SH2B1: variants seen among roughly 807,000 people sequenced by gnomAD.
The protein encoded by SH2B1 is SH2B adaptor protein 1, also known as SH2B adapter protein 1.
Under a neutral mutation model 62.6 loss-of-function variants are expected in SH2B1, and 15 were observed. The observed-to-expected ratio is 0.24, with a 90% CI of 0.16 to 0.37. SH2B1 has a LOEUF of 0.37. SH2B1 is among the 10% of genes least tolerant of loss of function. The probability of loss-of-function intolerance (pLI) is 1.00; values close to 1 mark genes in which losing one functional copy is unlikely to be tolerated. For missense variants in SH2B1, 925 were observed against 1,015.6 expected, an observed-to-expected ratio of 0.91 and a Z score of 1.21; for synonymous variants, 443 against 438.0, an observed-to-expected ratio of 1.01 and a Z score of -0.14.
In SH2B1 at chr16:28,869,216, C is replaced by G; in HGVS notation, c.1142C>G (p.Pro381Arg). 6.2e-7 allele frequency: 1 copy of G among 1,614,122 alleles called. No homozygotes were observed. Among genetic ancestry groups the G allele is most frequent in the Non-Finnish European group, 8.5e-7 (1 of 1,179,994 alleles). ...IQECLSPGPC[P>R]ATSPRPMTLP... ...CTTCCCTGTCTCTGCAGACCCTGCCCTGCTACCAGTCCCCGCCCCATGACC... is the reference window on the plus strand; with the variant it reads ...CTTCCCTGTCTCTGCAGACCCTGCCGTGCTACCAGTCCCCGCCCCATGACC... Residue 381 changes from proline (P) to arginine (R), a missense_variant, in exon 4 of 8, where the codon CCT becomes CGT. By Grantham distance (103) the Pro-to-Arg change is moderately radical (BLOSUM62 -2). This residue lies in a region of SH2B1 where 683 missense variants were observed against 704.0 expected (regional missense o/e 0.97). Coordinates refer to ENST00000684370, the MANE Select transcript of SH2B1 (RefSeq NM_001387430.1).
chr16:28,863,684 C>A, upstream of SH2B1: 2 of 1,535,482 alleles, frequency 1.3e-6, no homozygotes, highest in Non-Finnish European at 1.7e-6. Context: ...CTGGAGAAGG[C>A]ACTGAAGCCC....
At chr16:28,852,780 AT>A (rs1474013292) in intron 1 of SH2B1, among the ~76,000 whole-genome samples, 1 of 73,948 alleles carries the variant, frequency 1.4e-5, no homozygotes, top group Non-Finnish European at 2.4e-5. Context: ...TTATATATAT[AT>A]TTACATATAT....
rs1265180569 is a variant in SH2B1, at chr16:28,865,943, G to A, written c.-152G>A. ...AGTAGGGTCGGACGTCTCTGGCTGG[G>A]GGTGGGATGCAGCCTCCGGTGCGCC... On this transcript the variant is annotated 5_prime_UTR_variant, in exon 1 of 8. Transcript: ENST00000684370. 4 of 1,423,218 alleles carry A rather than the reference G, an allele frequency of 2.8e-6. No homozygotes were observed. Among genetic ancestry groups the A allele is most frequent in the Admixed American group, 6.0e-5 (2 of 33,126 alleles). The allele number at this position is 1,423,218 out of a possible 1,614,324, so 88.2% of individuals were successfully genotyped here.
intron 1 of SH2B1, among the ~76,000 whole-genome samples, chr16:28,855,216 ATTGT>A (rs1224773476): frequency 4.0e-5 from 6 of 148,590 alleles, no homozygotes; most frequent in Non-Finnish European, 7.4e-5. Context: ...ACATTCCATG[ATTGT>A]TTCTTTTTTT....
Position 28,872,000 on chromosome 16 carries a change from T to G in SH2B1, c.1513+17T>G, listed in dbSNP as rs759886609. 1.3e-6 allele frequency: 2 copies of G among 1,521,952 alleles called. No homozygotes were observed. The highest frequency in any genetic ancestry group is 1.8e-6 in the Non-Finnish European group (2 of 1,097,420). The allele number at this position is 1,521,952 out of a possible 1,614,324, so 94.3% of individuals were successfully genotyped here. A position where few individuals can be genotyped will look rare whatever the true frequency, so the allele number is the denominator to read the frequency against. ...CAGCCACAGGTACCGGAGGTGTGAG[T>G]GTGCATGTCTCCAGGCCTGGGTGCC... On this transcript the variant is annotated intron_variant, in intron 5 of 7. Transcript: ENST00000684370.
At chr16:28,848,916 C>G (rs12325014) in intron 1 of SH2B1, among the ~76,000 whole-genome samples, 51,822 of 151,740 alleles carry the variant, frequency 0.34, 9,500 homozygotes, top group Admixed American at 0.41. Flanking sequence ...AAGTGATCCA[C>G]CCACCTTGGC....
Position 28,873,450 on chromosome 16 carries a change from C to T in SH2B1, c.1901C>T (p.Pro634Leu), listed in dbSNP as rs747265054. ...YVPSSQRQQE[P>L]TTSHDPPQPP... ...TTTTCTTACCATTCCTATCCAGAAC[C>T]GACCACCTCCCATGACCCACCCCAG... is the stretch of plus-strand genomic sequence containing the variant. Residue 634 changes from proline (P) to leucine (L), a missense_variant, in exon 8 of 8, where the codon CCG (proline) becomes CTG (leucine). Transcript: ENST00000684370. This position sits in a 1 kb window ranked among gnomAD's most constrained non-coding sequence, Gnocchi z 4.2. 13 of 1,567,508 alleles carry T rather than the reference C, an allele frequency of 8.3e-6. No homozygotes were observed. Among genetic ancestry groups the T allele is most frequent in the Non-Finnish European group, 1.0e-5 (12 of 1,163,644 alleles).
At chr16:28,867,705 G>A (rs1378304980) in intron 2 of SH2B1, among the ~76,000 whole-genome samples, 3 of 152,184 alleles carry the variant, frequency 2.0e-5, no homozygotes, top group Non-Finnish European at 4.4e-5. Flanking sequence ...CAGGAGTGCA[G>A]CAACCTGATC....
In SH2B1 at chr16:28,863,851, C is replaced by T; in HGVS notation, c.-2244C>T. 3 of 1,527,568 alleles carry T rather than the reference C, an allele frequency of 2.0e-6. No individual in the cohort carries two copies. Among genetic ancestry groups the T allele is most frequent in the Admixed American group, 2.0e-5 (1 of 49,996 alleles). The allele number at this position is 1,527,568 out of a possible 1,614,324, so 94.6% of individuals were successfully genotyped here. A position where few individuals can be genotyped will look rare whatever the true frequency, so the allele number is the denominator to read the frequency against. On this transcript the variant is annotated 5_prime_UTR_variant, in exon 1 of 8. Coordinates refer to ENST00000684370, the MANE Select transcript of SH2B1 (RefSeq NM_001387430.1). ...GTCCTGACGCCTGCGCGGAACCGGG[C>T]TGGGCGCTCGTCGCGTAGTGGGTGG...
upstream of SH2B1, among the ~76,000 whole-genome samples, chr16:28,861,135 C>A (rs1425199276): frequency 7.1e-6 from 1 of 140,648 alleles, no homozygotes; most frequent in Admixed American, 7.1e-5. Context: ...CCATGCCCAG[C>A]ACTTTTTTGT....
chr16:28,866,614 G>A lies in SH2B1; in HGVS notation c.520G>A (p.Gly174Arg). 6.2e-7 allele frequency: 1 copy of A among 1,613,970 alleles called. No homozygotes were observed. The highest frequency in any genetic ancestry group is 8.5e-7 in the Non-Finnish European group (1 of 1,180,002). Residue 174 changes from glycine (G) to arginine (R), a missense_variant, in exon 1 of 8, where the codon GGG becomes AGG. Transcript: ENST00000684370. This position sits in a 1 kb window ranked among gnomAD's most constrained non-coding sequence, Gnocchi z 6.3. The stretch of plus-strand genomic sequence containing the variant: ...AGTCCGTGGCATCCTGCAGTGGCGG[G>A]GGACCGTTGACCCTCCCTCCTCCGC... ...GSVRGILQWRGTVDPPSSAGP... is the reference protein window; with the variant it reads ...GSVRGILQWRRTVDPPSSAGP...
At chr16:28,852,210 A>ATATATATTTTTATT (rs1399776052) in intron 1 of SH2B1, among the ~76,000 whole-genome samples, 1 of 76,290 alleles carries the variant, frequency 1.3e-5, no homozygotes, top group Non-Finnish European at 2.2e-5. Context: ...ATATTTACAT[A>ATATATATTTTTATT]TATATATTTA....
chr16:28,865,984 C>T lies in SH2B1; in HGVS notation c.-111C>T, dbSNP rs1478288822. 4.0e-6 allele frequency: 6 copies of T among 1,493,788 alleles called. No homozygotes were observed. The Admixed American group carries it at 6.9e-5, about 17-fold the overall frequency. The allele number at this position is 1,493,788 out of a possible 1,614,324, so 92.5% of individuals were successfully genotyped here. A position where few individuals can be genotyped will look rare whatever the true frequency, so the allele number is the denominator to read the frequency against. On this transcript the variant is annotated 5_prime_UTR_variant, in exon 1 of 8. Coordinates refer to ENST00000684370, the MANE Select transcript of SH2B1 (RefSeq NM_001387430.1). ...CCGGTGCGCCCTCAGCAGTGACCCT[C>T]GTGTGTGCCTCTCTCTTCCTTTCGC...
At chr16:28,867,168 T>A (rs1962761286) in intron 1 of SH2B1, 135 bp downstream of exon 1, 4 of 1,374,194 alleles carry the variant, frequency 2.9e-6, no homozygotes, top group Non-Finnish European at 4.0e-6. Flanking sequence ...TAAAGCTGGC[T>A]CTTGGCTCTG....
chr16:28,873,464 G>A lies in SH2B1; in HGVS notation c.1915G>A (p.Asp639Asn), dbSNP rs776807483. The change falls in exon 8 of 8, where the codon GAC becomes AAC. Residue 639 changes from aspartate (D) to asparagine (N), a missense_variant. This residue lies in a region of SH2B1 where 185 missense variants were observed against 189.5 expected (regional missense o/e 0.98). Coordinates refer to ENST00000684370, the MANE Select transcript of SH2B1 (RefSeq NM_001387430.1). This position sits in a 1 kb window ranked among gnomAD's most constrained non-coding sequence, Gnocchi z 4.2. ...CTATCCAGAACCGACCACCTCCCAT[G>A]ACCCACCCCAGCCCCCTGAACCCCC... is the stretch of plus-strand genomic sequence containing the variant. ...QRQQEPTTSH[D>N]PPQPPEPPSW... 8.9e-6 allele frequency: 14 copies of A among 1,566,718 alleles called. No individual in the cohort carries two copies. The highest frequency in any genetic ancestry group is 4.7e-5 in the South Asian group (4 of 85,602).
At position 28,866,585 on chromosome 16, in the gene SH2B1, G is replaced by T; in HGVS notation, c.491G>T (p.Gly164Val). The T allele has an allele frequency of 1.9e-6, 3 of 1,614,054 alleles. No homozygotes were observed. The highest frequency in any genetic ancestry group is 2.5e-6 in the Non-Finnish European group (3 of 1,180,032). The change falls in exon 1 of 8, where the codon GGC (glycine) becomes GTC (valine). Residue 164 changes from glycine to valine, a missense_variant. By Grantham distance (109) the Gly-to-Val change is moderately radical. Coordinates refer to ENST00000684370, the MANE Select transcript of SH2B1 (RefSeq NM_001387430.1). This position sits in a 1 kb window ranked among gnomAD's most constrained non-coding sequence, Gnocchi z 6.3. Reference protein sequence around the residue: ...SLRSVGRSVRGSVRGILQWRG... With the variant: ...SLRSVGRSVRVSVRGILQWRG... ...CGTTCAGTGGGTCGCTCTGTCCGAG[G>T]CTCAGTCCGTGGCATCCTGCAGTGG...
chr16:28,859,834 CTA>C (rs1262579635), upstream of SH2B1, among the ~76,000 whole-genome samples: 1 of 151,420 alleles, frequency 6.6e-6, no homozygotes, highest in Non-Finnish European at 1.5e-5. Flanking sequence ...TGAAGTCATC[CTA>C]TCTCTGATTT....
intron 1 of SH2B1, among the ~76,000 whole-genome samples, chr16:28,852,383 T>TA (rs1962141504): frequency 1.3e-5 from 1 of 79,476 alleles, no homozygotes; most frequent in African/African-American, 5.6e-5. Flanking sequence ...TTTACATATA[T>TA]TTATATATAT....
At chr16:28,860,652 TAG>T (rs1962423102), upstream of SH2B1, among the ~76,000 whole-genome samples, 2 of 152,174 alleles carry the variant, frequency 1.3e-5, no homozygotes, top group Non-Finnish European at 2.9e-5. Flanking sequence ...CAATGCCTTC[TAG>T]AGACCATGGC....
Sources: gnomAD v4.1 joint callset for allele counts (sites outside exome capture counted in the v4.1 genomes callset) on GRCh38, gnomAD v4.1.1 for gene constraint, gnomAD v4.1.1 regional missense constraint, Gnocchi (gnomAD v3.1) non-coding constraint, MANE v1.5 for transcripts, NCBI Gene and HGNC (gene_info 2026-07-23, HGNC 2026-07-21) for gene names.